DHCR7: variants seen among roughly 807,000 people sequenced by gnomAD.
DHCR7 encodes 7-DHC reductase.
In DHCR7, 40 loss-of-function variants were observed where a neutral mutation model predicts 43.3. That is an observed-to-expected ratio of 0.92 (90% CI 0.72 to 1.20). DHCR7 has a LOEUF of 1.20. DHCR7 is among the 50% of genes most tolerant of loss of function. DHCR7 has a pLI of 0.00. For missense variants in DHCR7, 608 were observed against 644.6 expected (o/e 0.94, Z 0.62); for synonymous variants, 298 against 271.4 (o/e 1.10, Z -0.96).
chr11:71,437,815 C>T lies in DHCR7; in HGVS notation c.960G>A (p.Leu320=). The T allele has an allele frequency of 6.2e-7, 1 of 1,613,868 alleles. No homozygotes were observed. The highest frequency in any genetic ancestry group is 8.5e-7 in the Non-Finnish European group (1 of 1,180,000). ...CCAGCTCTGCCCACCTCCTCACCTG[C>T]AGCGTGTAAAGATAAGGCAGCCAGA... The part of the protein sequence containing the change: ...DCVWLPYLYT[L]QGLYLVYHPV... Residue 320 remains leucine (L), a synonymous_variant, in exon 8 of 9, where the codon CTG becomes CTA. Transcript: ENST00000355527.
rs189531124 is a variant in DHCR7 at position 71,428,946 on chromosome 11, C to T, written c.320-94G>A. Reference sequence around the variant, plus strand: ...ATAACCATGTAATTCAAATGCCTCCCGCCTCCTCCTCACTTATCTAAGTCT... The same window carrying T: ...ATAACCATGTAATTCAAATGCCTCCTGCCTCCTCCTCACTTATCTAAGTCT... On this transcript the variant is annotated intron_variant, in intron 2 of 2. Coordinates refer to the DHCR7 transcript ENST00000534795. 7.6e-3 allele frequency: 3,315 copies of T among 438,796 alleles called. 21 individuals carry two copies. Among genetic ancestry groups the T allele is most frequent in the Non-Finnish European group, 0.01 (2,279 of 218,230 alleles). The allele number at this position is 438,796 out of a possible 1,614,324, so 27.2% of individuals were successfully genotyped here. A position where few individuals can be genotyped will look rare whatever the true frequency, so the allele number is the denominator to read the frequency against.
At chr11:71,430,317 G>A (rs946093697), downstream of DHCR7, among the ~76,000 whole-genome samples, 1 of 152,228 alleles carries the variant, frequency 6.6e-6, no homozygotes, top group Non-Finnish European at 1.5e-5. Flanking sequence ...CCCCTTGTGG[G>A]AGGGAGCATG....
At chr11:71,433,103 C>T (rs1469079003), downstream of DHCR7, among the ~76,000 whole-genome samples, 2 of 152,242 alleles carry the variant, frequency 1.3e-5, no homozygotes, top group Non-Finnish European at 2.9e-5. Flanking sequence ...GAGGGCAGTG[C>T]CATGCCCTGT....
At position 71,435,503 on chromosome 11, in the gene DHCR7, T is replaced by C. The variant is rs375187933; in HGVS notation, c.1300A>G (p.Ile434Val). The C allele has an allele frequency of 1.9e-6, 3 of 1,611,772 alleles. No individual in the cohort carries two copies. The highest frequency in any genetic ancestry group is 2.7e-5 in the African/African-American group (2 of 74,912). The change falls in exon 9 of 9, where the codon ATC (isoleucine) becomes GTC (valine). Residue 434 changes from isoleucine (I) to valine (V), a missense_variant. By Grantham distance (29) the Ile-to-Val change is conservative (BLOSUM62 3). Transcript: ENST00000355527. ...TGGGTCAGCAGGATGGCCATGTAGA[T>C]GATGTAGAAGTAGGGCAGCAGGTGG... ...GGHLLPYFYI[I>V]YMAILLTHRC...
chr11:71,440,896 C>T (rs927814258), intron 6 of DHCR7, among the ~76,000 whole-genome samples: 1 of 152,136 alleles, frequency 6.6e-6, no homozygotes, highest in Non-Finnish European at 1.5e-5. Context: ...TGGGCCTCAC[C>T]AGCTTATCCA....
chr11:71,442,799 G>A (rs1949362862), intron 4 of DHCR7, among the ~76,000 whole-genome samples: 2 of 152,154 alleles, frequency 1.3e-5, no homozygotes, highest in South Asian at 4.1e-4. Context: ...TGGGATTACA[G>A]GTGTGCACCA....
chr11:71,438,432 A>T (rs1018394960), intron 7 of DHCR7, among the ~76,000 whole-genome samples: 2 of 152,138 alleles, frequency 1.3e-5, no homozygotes, highest in African/African-American at 4.8e-5. Flanking sequence ...AAAGAGGAAG[A>T]CTTCCATGAG....
At chr11:71,431,562 C>A (rs183444024), downstream of DHCR7, among the ~76,000 whole-genome samples, 1 of 152,342 alleles carries the variant, frequency 6.6e-6, no homozygotes, top group East Asian at 1.9e-4. Flanking sequence ...GGAAACCCCC[C>A]TCCTGGCCAG....
intron 8 of DHCR7, among the ~76,000 whole-genome samples, chr11:71,436,517 G>T (rs1949282430): frequency 6.6e-6 from 1 of 152,210 alleles, no homozygotes; most frequent in Non-Finnish European, 1.5e-5. Flanking sequence ...ACAAAAATTA[G>T]CTGGGCGTGG....
downstream of DHCR7, among the ~76,000 whole-genome samples, chr11:71,429,706 T>A (rs1949219044): frequency 6.6e-6 from 1 of 151,798 alleles, no homozygotes; most frequent in South Asian, 2.1e-4. Flanking sequence ...ATGAGCGGCG[T>A]TCAGGACAAA....
chr11:71,444,231 C>G lies in DHCR7; in HGVS notation c.99-16G>C. 1 of 1,560,614 alleles carries G rather than the reference C, an allele frequency of 6.4e-7. No individual in the cohort carries two copies. On this transcript the variant is annotated splice_polypyrimidine_tract_variant and intron_variant, in intron 3 of 8. Coordinates refer to ENST00000355527, the MANE Select transcript of DHCR7 (RefSeq NM_001360.3). ...GTCCACCTCCCTGCGAGGACGGATG[C>G]AGGCAGTCACACTGGGGCCCATCTG...
At chr11:71,428,691 CCTCCCTGCAG>C (rs1312290534) in exon 3 of DHCR7, 9 of 369,060 alleles carry the variant, frequency 2.4e-5, no homozygotes, top group South Asian at 1.4e-4. Context: ...CCGTGGTGAA[CCTCCCTGCAG>C]CTCCCTGCAG....
intron 4 of DHCR7, 34 bp from the exon 5 acceptor site, chr11:71,442,387 C>A: frequency 6.7e-7 from 1 of 1,497,512 alleles, no homozygotes; most frequent in Non-Finnish European, 9.3e-7. Context: ...CACCCCCCGC[C>A]TGGAGGGCAC....
chr11:71,433,153 G>A (rs565503006), downstream of DHCR7, among the ~76,000 whole-genome samples: 2 of 152,354 alleles, frequency 1.3e-5, no homozygotes, highest in East Asian at 3.9e-4. Flanking sequence ...GGTCCGAGCC[G>A]TCCTTCATTC....
exon 3 of DHCR7, chr11:71,428,699 C>A (rs1949212935): frequency 2.7e-6 from 1 of 375,852 alleles, no homozygotes; most frequent in Non-Finnish European, 5.2e-6. Context: ...AACCTCCCTG[C>A]AGCTCCCTGC....
chr11:71,446,725 C>A (rs1949408197), intron 2 of DHCR7, among the ~76,000 whole-genome samples: 1 of 152,216 alleles, frequency 6.6e-6, no homozygotes, highest in Non-Finnish European at 1.5e-5. Context: ...TCAGTACCCG[C>A]ACTTCATTCA....
chr11:71,441,105 C>T (rs1949342778), intron 6 of DHCR7, 122 bp downstream of exon 6: 4 of 908,406 alleles, frequency 4.4e-6, no homozygotes, highest in Non-Finnish European at 7.1e-6. Flanking sequence ...CCATCCCCCT[C>T]CTCCTCTTCC....
intron 8 of DHCR7, among the ~76,000 whole-genome samples, chr11:71,436,992 G>A (rs1790328): frequency 0.28 from 43,030 of 152,122 alleles, 6,554 homozygotes; most frequent in South Asian, 0.47. Flanking sequence ...CAGCCAGCCA[G>A]GTGGAGAAAT....
downstream of DHCR7, among the ~76,000 whole-genome samples, chr11:71,431,617 A>T (rs1477853399): frequency 6.6e-6 from 1 of 152,164 alleles, no homozygotes; most frequent in African/African-American, 2.4e-5. Flanking sequence ...AGGAAGGTCT[A>T]GTTTATTAAA....
Sources: gnomAD v4.1 joint callset for allele counts (sites outside exome capture counted in the v4.1 genomes callset) on GRCh38, gnomAD v4.1.1 for gene constraint, MANE v1.5 for transcripts, NCBI Gene and HGNC (gene_info 2026-07-23, HGNC 2026-07-21) for gene names.